The following NCOA2 variants were observed in gnomAD, a reference collection of about 807,000 sequenced individuals.
The protein encoded by NCOA2 is nuclear receptor coactivator 2.
A neutral mutation model predicts 145.1 loss-of-function variants in NCOA2; 21 were observed. The ratio of observed to expected loss-of-function variants is 0.14; its 90% confidence interval spans 0.10 to 0.21. NCOA2 has a LOEUF of 0.21. NCOA2 is among the 10% of genes least tolerant of loss of function. The pLI, the probability that NCOA2 is intolerant of heterozygous loss-of-function variation, is 1.00. For missense variants in NCOA2, 1,472 were observed against 1,837.6 expected (o/e 0.80, Z 3.64); for synonymous variants, 619 against 637.5 (o/e 0.97, Z 0.44).
chr8:70,146,294 G>A (rs924326517), intron 12 of NCOA2, among the ~76,000 whole-genome samples: 4 of 152,176 alleles, frequency 2.6e-5, no homozygotes, highest in Admixed American at 2.6e-4. Context: ...TTTATAGCTA[G>A]TTGACAAGAA....
rs150532560 is a variant in NCOA2 at position 70,128,479 on chromosome 8, T to G, written c.3635A>C (p.Asn1212Thr). 17 of 1,613,098 alleles carry G rather than the reference T, an allele frequency of 1.1e-5. No individual in the cohort carries two copies. Among genetic ancestry groups the G allele is most frequent in the Non-Finnish European group, 1.4e-5 (16 of 1,179,532 alleles). ...CAGAGTCAAGTTCACATTGGAAACA[T>G]TGCTGATTTGATTCATAAGTGGCTG... The part of the protein sequence containing the change: ...NRQPLMNQIS[N>T]VSNVNLTLRP... The change falls in exon 18 of 23, where the codon AAT becomes ACT. Residue 1212 changes from asparagine to threonine, a missense_variant. Coordinates refer to ENST00000452400, the MANE Select transcript of NCOA2 (RefSeq NM_006540.4).
chr8:70,119,070 G>A (rs987551412), intron 22 of NCOA2, among the ~76,000 whole-genome samples: 8 of 151,922 alleles, frequency 5.3e-5, no homozygotes, highest in African/African-American at 1.9e-4. Flanking sequence ...GCATAGTGAG[G>A]GATCAAGACA....
At chr8:70,218,532 T>C (rs1819862423) in intron 2 of NCOA2, among the ~76,000 whole-genome samples, 1 of 152,164 alleles carries the variant, frequency 6.6e-6, no homozygotes, top group Non-Finnish European at 1.5e-5. Flanking sequence ...CGAGGCTCAC[T>C]TGAGACCAGG....
chr8:70,340,981 G>A (rs921267324), intron 1 of NCOA2, among the ~76,000 whole-genome samples: 4 of 151,168 alleles, frequency 2.6e-5, no homozygotes, highest in Non-Finnish European at 5.9e-5. Context: ...ACCTTAATAC[G>A]TAGGTGATGG....
Position 70,113,552 on chromosome 8 carries a change from A to C in NCOA2, c.*80T>G, listed in dbSNP as rs1358091953. ...CTGGCAGGTCAGTTGGGTTGAAACA[A>C]ATAGACACAGCTCTCCAGACTGGAA... On this transcript the variant is annotated 3_prime_UTR_variant, in exon 23 of 23. Transcript: ENST00000452400. 4 of 1,498,676 alleles carry C rather than the reference A, an allele frequency of 2.7e-6. No homozygotes were observed. The Admixed American group carries it at 7.9e-5, about 29-fold the overall frequency. The allele number at this position is 1,498,676 out of a possible 1,614,324, so 92.8% of individuals were successfully genotyped here.
chr8:70,322,328 C>T (rs867648162), intron 1 of NCOA2, among the ~76,000 whole-genome samples: 8 of 152,052 alleles, frequency 5.3e-5, no homozygotes, highest in African/African-American at 1.9e-4. Context: ...ATGTTCATTC[C>T]TATGATAAAT....
intron 2 of NCOA2, among the ~76,000 whole-genome samples, chr8:70,229,106 T>A (rs1415992689): frequency 3.3e-5 from 5 of 152,230 alleles, no homozygotes; most frequent in Non-Finnish European, 7.3e-5. Context: ...ACAGGTCTCT[T>A]TTGGTATTAA....
At chr8:70,114,073 C>T (rs1009325946) in intron 22 of NCOA2, among the ~76,000 whole-genome samples, 1 of 152,204 alleles carries the variant, frequency 6.6e-6, no homozygotes, top group African/African-American at 2.4e-5. Flanking sequence ...TCATCCAGTA[C>T]AAACCCTTCT....
intron 10 of NCOA2, among the ~76,000 whole-genome samples, chr8:70,158,658 A>G (rs1812543749): frequency 6.6e-6 from 1 of 152,218 alleles, no homozygotes; most frequent in Non-Finnish European, 1.5e-5. Context: ...AGGTGGAGGC[A>G]CAAGAATTGC....
intron 6 of NCOA2, among the ~76,000 whole-genome samples, chr8:70,169,769 TA>T (rs967365441): frequency 9.9e-5 from 15 of 151,714 alleles, no homozygotes; most frequent in African/African-American, 2.9e-4. Context: ...AATAAAAAAT[TA>T]AAAAAAATAC....
intron 1 of NCOA2, among the ~76,000 whole-genome samples, chr8:70,368,655 AGT>A (rs1178821706): frequency 6.6e-6 from 1 of 152,208 alleles, no homozygotes; most frequent in African/African-American, 2.4e-5. Context: ...GTATTTCTTA[AGT>A]GTCACATAAC....
chr8:70,264,308 A>G (rs1185054575), intron 2 of NCOA2, among the ~76,000 whole-genome samples: 1 of 152,080 alleles, frequency 6.6e-6, no homozygotes, highest in Non-Finnish European at 1.5e-5. Flanking sequence ...GCCTGAGGCC[A>G]AGAGTTTCAG....
the NCOA2 span, among the ~76,000 whole-genome samples, chr8:70,435,941 G>T: frequency 2.0e-5 from 3 of 152,098 alleles, no homozygotes; most frequent in African/African-American, 7.2e-5. Context: ...TAGGACTACA[G>T]GTGCGTGCCA....
At chr8:70,221,224 G>A (rs1175199688) in intron 2 of NCOA2, among the ~76,000 whole-genome samples, 1 of 152,126 alleles carries the variant, frequency 6.6e-6, no homozygotes, top group Non-Finnish European at 1.5e-5. Context: ...AATATTAAAA[G>A]TATACATAAA....
At chr8:70,407,719 C>T (rs1181699889), upstream of NCOA2, among the ~76,000 whole-genome samples, 2 of 151,992 alleles carry the variant, frequency 1.3e-5, no homozygotes, top group Non-Finnish European at 2.9e-5. Context: ...ATTGTTTGAA[C>T]CGGGAGGCGG....
chr8:70,128,394 T>C lies in NCOA2; in HGVS notation c.3681+39A>G, dbSNP rs1389238509. 4.5e-6 allele frequency: 7 copies of C among 1,545,250 alleles called. No individual in the cohort carries two copies. In the South Asian group the frequency reaches 4.6e-5, roughly 10 times the overall value. ...GGAAGAAATGACAAAAGCAGCTGCA[T>C]GCATACAATGAAAGCTAATGGCTGG... is the stretch of plus-strand genomic sequence containing the variant. On this transcript the variant is annotated intron_variant, in intron 18 of 22. Transcript: ENST00000452400.
intron 22 of NCOA2, among the ~76,000 whole-genome samples, chr8:70,117,075 A>G (rs1807228337): frequency 6.6e-6 from 1 of 152,246 alleles, no homozygotes; most frequent in South Asian, 2.1e-4. Flanking sequence ...TTGATGTCTT[A>G]CATCCTAACA....
At chr8:70,166,134 T>G (rs939727843) in intron 7 of NCOA2, among the ~76,000 whole-genome samples, 3 of 152,238 alleles carry the variant, frequency 2.0e-5, no homozygotes, top group African/African-American at 7.2e-5. Context: ...CTGTGCATTT[T>G]TCTAGGGCTG....
chr8:70,397,765 A>T (rs184331067), intron 1 of NCOA2, among the ~76,000 whole-genome samples: 9 of 152,372 alleles, frequency 5.9e-5, no homozygotes, highest in Non-Finnish European at 1.3e-4. Flanking sequence ...ATTACATGAA[A>T]TCTATTCGGT....
Sources: gnomAD v4.1 joint callset for allele counts (sites outside exome capture counted in the v4.1 genomes callset) on GRCh38, gnomAD v4.1.1 for gene constraint, MANE v1.5 for transcripts, NCBI Gene and HGNC (gene_info 2026-07-23, HGNC 2026-07-21) for gene names.